Variants in SPTBN4 observed in about 807,000 individuals in gnomAD.
SPTBN4 encodes spectrin beta chain, non-erythrocytic 4.
Under a neutral mutation model 277.8 loss-of-function variants are expected in SPTBN4, and 96 were observed. The ratio of observed to expected loss-of-function variants is 0.35; its 90% CI spans 0.29 to 0.41. SPTBN4 has a LOEUF of 0.41. SPTBN4 is among the 10% of genes least tolerant of loss of function. The pLI is 1.00. For missense variants in SPTBN4, 3,006 were observed against 3,595.7 expected (o/e 0.84, Z 4.19); for synonymous variants, 1,481 against 1,580.3 (o/e 0.94, Z 1.49).
At chr19:40,556,995 T>TTGCCCC in intron 25 of SPTBN4, 28 bp from the exon 26 acceptor site, 3 of 1,484,746 alleles carry the variant, frequency 2.0e-6, no homozygotes, top group Non-Finnish European at 2.7e-6. Context: ...CACTTTGCTG[T>TTGCCCC]ACCCCCCCCC....
chr19:40,575,360 T>A, intron 35 of SPTBN4, 51 bp from the exon 36 acceptor site: 1 of 1,574,842 alleles, frequency 6.3e-7, no homozygotes, highest in Non-Finnish European at 8.6e-7. Context: ...CACCTATTAT[T>A]CCAGCTTCTC....
chr19:40,478,725 T>G (rs900802683), intron 2 of SPTBN4, among the ~76,000 whole-genome samples: 1 of 152,086 alleles, frequency 6.6e-6, no homozygotes, highest in Non-Finnish European at 1.5e-5. Flanking sequence ...TTTTGTATTT[T>G]TAGTAGAGAT....
At position 40,532,640 on chromosome 19, in the gene SPTBN4, C is replaced by T. The variant is rs1349032233; in HGVS notation, c.3964C>T (p.His1322Tyr). The T allele has an allele frequency of 6.2e-7, 1 of 1,613,328 alleles. No individual in the cohort carries two copies. Among genetic ancestry groups the T allele is most frequent in the Non-Finnish European group, 8.5e-7 (1 of 1,179,552 alleles). The change falls in exon 19 of 36, where the codon CAT (histidine) becomes TAT (tyrosine). Residue 1322 changes from histidine (H) to tyrosine (Y), a missense_variant. Around this residue, in one of 5 missense-constraint regions of SPTBN4, gnomAD observed 1,759 missense variants for 2,061.5 expected, o/e 0.85. Transcript: ENST00000598249. ...RDCHELDGWI[H>Y]EKMLMARDGT... Reference sequence around the variant, plus strand: ...TTCTGCACAGCTGGATGGCTGGATCCATGAGAAGATGCTGATGGCGCGGGA... The same window carrying T: ...TTCTGCACAGCTGGATGGCTGGATCTATGAGAAGATGCTGATGGCGCGGGA...
At chr19:40,569,792 A>T (rs2145958144) in intron 32 of SPTBN4, 66 bp downstream of exon 32, 7 of 1,463,862 alleles carry the variant, frequency 4.8e-6, no homozygotes, top group East Asian at 4.8e-5. Flanking sequence ...GCAGGATCTC[A>T]GAAACAGCCA....
chr19:40,556,996 A>T, intron 25 of SPTBN4, 27 bp from the exon 26 acceptor site: 108 of 1,362,910 alleles, frequency 7.9e-5, no homozygotes, highest in Non-Finnish European at 9.6e-5. Flanking sequence ...ACTTTGCTGT[A>T]CCCCCCCCCC....
chr19:40,557,301 G>T lies in SPTBN4; in HGVS notation c.5568G>T (p.Arg1856=). 6.2e-7 allele frequency: 1 copy of T among 1,613,238 alleles called. No individual in the cohort carries two copies. Among genetic ancestry groups the T allele is most frequent in the South Asian group, 1.1e-5 (1 of 91,004 alleles). The part of the protein sequence containing the change: ...LQGQIEEKRR[R]LPRLTTPPEP... The stretch of plus-strand genomic sequence containing the variant: ...GACAGATTGAGGAGAAGCGGAGGCG[G>T]CTGCCCCGCCTGACCACCCCGCCTG... Residue 1856 remains arginine, a synonymous_variant, in exon 26 of 36, where the codon CGG becomes CGT. Coordinates refer to ENST00000598249, the MANE Select transcript of SPTBN4 (RefSeq NM_020971.3).
In SPTBN4 at chr19:40,519,297, A is replaced by C; in HGVS notation, c.2904-104A>C. ...CTGGAGAAACTTTCTGAGGTCACACAGTGGCTGGGTGGCTTGGGCCTGGAT... is the reference window on the plus strand; with the variant it reads ...CTGGAGAAACTTTCTGAGGTCACACCGTGGCTGGGTGGCTTGGGCCTGGAT... On this transcript the variant is annotated intron_variant, in intron 15 of 35. Transcript: ENST00000598249. This position sits in a 1 kb window ranked among gnomAD's most constrained non-coding sequence, Gnocchi z 5.7. The C allele has an allele frequency of 8.3e-7, 1 of 1,199,962 alleles. No homozygotes were observed. The highest frequency in any genetic ancestry group is 1.1e-6 in the Non-Finnish European group (1 of 917,994). The allele number at this position is 1,199,962 out of a possible 1,614,324, so 74.3% of individuals were successfully genotyped here.
At chr19:40,516,845 A>G (rs1164371364) in intron 15 of SPTBN4, among the ~76,000 whole-genome samples, 1 of 152,046 alleles carries the variant, frequency 6.6e-6, no homozygotes, top group Non-Finnish European at 1.5e-5. Context: ...ACAAACAAAC[A>G]AACAAACAAA....
Position 40,502,225 on chromosome 19 carries a change from T to C in SPTBN4, c.995T>C (p.Ile332Thr), listed in dbSNP as rs771354563. ...TGGATCCACCGCACCGTGGGCCTCA[T>C]CAGCAATCAGAAATTTGCCAACTCC... is the stretch of plus-strand genomic sequence containing the variant. Reference protein sequence around the residue: ...LAWIHRTVGLISNQKFANSLS... With the variant: ...LAWIHRTVGLTSNQKFANSLS... Residue 332 changes from isoleucine to threonine, a missense_variant, in exon 9 of 36, where the codon ATC becomes ACC. Around this residue, in one of 5 missense-constraint regions of SPTBN4, gnomAD observed 1,759 missense variants for 2,061.5 expected, o/e 0.85. Transcript: ENST00000598249. This position sits in a 1 kb window ranked among gnomAD's most constrained non-coding sequence, Gnocchi z 4.9. The C allele has an allele frequency of 4.3e-6, 7 of 1,613,820 alleles. No homozygotes were observed. Among genetic ancestry groups the C allele is most frequent in the Non-Finnish European group, 5.9e-6 (7 of 1,180,020 alleles).
chr19:40,477,246 G>C (rs1476146517), intron 2 of SPTBN4, among the ~76,000 whole-genome samples: 2 of 151,554 alleles, frequency 1.3e-5, no homozygotes, highest in Admixed American at 6.6e-5. Flanking sequence ...ACAGGGTCTC[G>C]CAATATTTTC....
Position 40,512,597 on chromosome 19 carries a change from C to T in SPTBN4, c.1817-9C>T. The T allele has an allele frequency of 6.6e-7, 1 of 1,522,938 alleles. No individual in the cohort carries two copies. The highest frequency in any genetic ancestry group is 8.7e-7 in the Non-Finnish European group (1 of 1,143,086). 94.3% of individuals were successfully genotyped at this position (1,522,938 alleles called of 1,614,324 possible). A position where few individuals can be genotyped will look rare whatever the true frequency, so the allele number is the denominator to read the frequency against. On this transcript the variant is annotated splice_polypyrimidine_tract_variant and intron_variant, in intron 13 of 35. Coordinates refer to ENST00000598249, the MANE Select transcript of SPTBN4 (RefSeq NM_020971.3). ...ACCAATCCTGGATGCTCCCCTTCTC[C>T]TGGCTCAGGCTACCAGCCCTGCGAC...
intron 2 of SPTBN4, among the ~76,000 whole-genome samples, chr19:40,484,699 G>C (rs1006558088): frequency 6.6e-6 from 1 of 151,844 alleles, no homozygotes. Flanking sequence ...AGGCCAAGGG[G>C]GGTGGATCAC....
intron 2 of SPTBN4, among the ~76,000 whole-genome samples, chr19:40,485,876 C>T (rs1252428043): frequency 6.6e-6 from 1 of 151,666 alleles, no homozygotes; most frequent in Non-Finnish European, 1.5e-5. Context: ...AGATATACAA[C>T]TGTCTGATGG....
intron 13 of SPTBN4, among the ~76,000 whole-genome samples, chr19:40,510,520 G>T (rs2080379141): frequency 6.6e-6 from 1 of 152,104 alleles, no homozygotes; most frequent in African/African-American, 2.4e-5. Context: ...ACCCAGGCTG[G>T]TCTCAAACTG....
rs750625948 is a variant in SPTBN4, at chr19:40,566,261, G to A, written c.6238G>A (p.Val2080Met). 1.0e-5 allele frequency: 16 copies of A among 1,576,702 alleles called. No homozygotes were observed. Among genetic ancestry groups the A allele is most frequent in the Middle Eastern group, 1.7e-4 (1 of 5,744 alleles). The change falls in exon 30 of 36, where the codon GTG becomes ATG. Residue 2080 changes from valine (V) to methionine (M), a missense_variant. This residue lies in a region of SPTBN4 where 425 missense variants were observed against 594.7 expected (regional missense o/e 0.71). Coordinates refer to ENST00000598249, the MANE Select transcript of SPTBN4 (RefSeq NM_020971.3). ...LLQSRELGSS[V>M]DEVEQLIRRH... ...GCAGAGCCGGGAGCTGGGCAGCAGC[G>A]TGGATGAGGTGGAGCAGCTTATCCG...
chr19:40,495,056 T>G, intron 6 of SPTBN4, 79 bp downstream of exon 6: 8 of 1,315,920 alleles, frequency 6.1e-6, no homozygotes, highest in Non-Finnish European at 7.6e-6. Flanking sequence ...TACATGTACT[T>G]GTGTAGATGG....
intron 16 of SPTBN4, among the ~76,000 whole-genome samples, chr19:40,520,559 T>G (rs1168047027): frequency 1.3e-5 from 2 of 152,150 alleles, no homozygotes. Flanking sequence ...AACAAAGGAT[T>G]AGGATTATGG....
chr19:40,539,445 C>G (rs1276311092), intron 20 of SPTBN4, among the ~76,000 whole-genome samples: 1 of 152,176 alleles, frequency 6.6e-6, no homozygotes, highest in Non-Finnish European at 1.5e-5. Flanking sequence ...ACCTGGATAG[C>G]CCAAGGAGGT....
intron 17 of SPTBN4, among the ~76,000 whole-genome samples, chr19:40,527,828 G>A (rs2080611095): frequency 6.6e-6 from 1 of 152,314 alleles, no homozygotes; most frequent in African/African-American, 2.4e-5. Context: ...GGCCAAGGCG[G>A]GTGGATCACT....
Sources: allele counts gnomAD v4.1 joint callset (sites outside exome capture counted in the v4.1 genomes callset), GRCh38; gene constraint gnomAD v4.1.1; regional missense constraint gnomAD v4.1.1; non-coding constraint Gnocchi (gnomAD v3.1); transcripts MANE v1.5; gene names NCBI Gene and HGNC (gene_info 2026-07-23, HGNC 2026-07-21).